The following DOCK5 variants were observed in gnomAD, a reference collection of about 807,000 sequenced individuals.
The protein encoded by DOCK5 is dedicator of cytokinesis protein 5.
In DOCK5, 142 loss-of-function variants were observed where a neutral mutation model predicts 251.8. The observed-to-expected ratio is 0.56, with a 90% CI of 0.49 to 0.65. DOCK5 has a LOEUF of 0.65. Ranked by LOEUF, DOCK5 falls within the 30% of genes least tolerant of loss-of-function variation. The pLI, the probability that DOCK5 is intolerant of heterozygous loss-of-function variation, is 0.00. For missense variants in DOCK5, 2,111 were observed against 2,312.3 expected (o/e 0.91, Z 1.79); for synonymous variants, 842 against 835.5 (o/e 1.01, Z -0.13).
At chr8:25,283,467 C>T (rs565487007) in intron 5 of DOCK5, among the ~76,000 whole-genome samples, 6 of 152,092 alleles carry the variant, frequency 3.9e-5, no homozygotes, top group Non-Finnish European at 8.8e-5. Context: ...GTGTTGACCG[C>T]GTAGAACTCT....
intron 28 of DOCK5, among the ~76,000 whole-genome samples, chr8:25,359,713 A>T (rs2117264994): frequency 6.6e-6 from 1 of 152,364 alleles, no homozygotes; most frequent in South Asian, 2.1e-4. Context: ...GAACAGTTTC[A>T]TCCCAAAACC....
intron 27 of DOCK5, 43 bp downstream of exon 27, chr8:25,351,869 C>T (rs754432374): frequency 4.6e-5 from 72 of 1,573,092 alleles, no homozygotes; most frequent in Non-Finnish European, 5.7e-5. Context: ...TGCTGTTTCT[C>T]TGTCCCCTTT....
At chr8:25,299,164 C>G (rs1804694108) in intron 8 of DOCK5, 63 bp downstream of exon 8, 18 of 1,551,394 alleles carry the variant, frequency 1.2e-5, no homozygotes, top group Admixed American at 2.0e-5. Context: ...CCCCTGACCC[C>G]TACCCGGGCA....
intron 2 of DOCK5, among the ~76,000 whole-genome samples, chr8:25,255,894 A>C (rs1009862352): frequency 6.6e-6 from 1 of 152,258 alleles, no homozygotes; most frequent in Non-Finnish European, 1.5e-5. Flanking sequence ...TGTCATAAAT[A>C]TTAACTCTGT....
chr8:25,187,693 T>G (rs1801469384), intron 1 of DOCK5, among the ~76,000 whole-genome samples: 4 of 152,084 alleles, frequency 2.6e-5, no homozygotes, highest in Admixed American at 2.6e-4. Flanking sequence ...GTTCAGCCTA[T>G]CTTCAGCATT....
chr8:25,320,051 A>G (rs890990835), intron 15 of DOCK5, among the ~76,000 whole-genome samples: 5 of 152,176 alleles, frequency 3.3e-5, no homozygotes, highest in African/African-American at 1.2e-4. Context: ...TACACATTCC[A>G]AAGTGCTTTT....
intron 1 of DOCK5, 101 bp from the exon 2 acceptor site, chr8:25,243,573 C>T: frequency 9.3e-7 from 1 of 1,077,484 alleles, no homozygotes; most frequent in Non-Finnish European, 1.3e-6. Context: ...TCATGATCCA[C>T]CCACCTCACC....
At chr8:25,297,728 T>C (rs760304323) in intron 7 of DOCK5, among the ~76,000 whole-genome samples, 1 of 152,126 alleles carries the variant, frequency 6.6e-6, no homozygotes, top group Non-Finnish European at 1.5e-5. Flanking sequence ...TTTGAAAGAC[T>C]TCAAAGGTAA....
chr8:25,344,772 CTT>C (rs2117237952), intron 25 of DOCK5, among the ~76,000 whole-genome samples: 1 of 152,262 alleles, frequency 6.6e-6, no homozygotes, highest in African/African-American at 2.4e-5. Flanking sequence ...GCTTTGATCA[CTT>C]TTTAAGGATA....
At chr8:25,294,313 C>T (rs1440211397) in intron 6 of DOCK5, among the ~76,000 whole-genome samples, 1 of 152,164 alleles carries the variant, frequency 6.6e-6, no homozygotes, top group African/African-American at 2.4e-5. Context: ...AGGAACCTGC[C>T]AGATCAAATC....
rs1255491233 is a variant in DOCK5, at chr8:25,345,489, C to T, written c.2632C>T (p.Leu878=). ...TTCCTTCTCAGAGTGCAGAGAAGTG[C>T]TGCTGCCACTGCTGACAGACCAGCT... ...LFRQSECREV[L]LPLLTDQLSG... is the part of the protein sequence containing the mutation. The change falls in exon 26 of 52, where the codon CTG becomes TTG. Residue 878 remains leucine (L), a synonymous_variant. Transcript: ENST00000276440. The T allele has an allele frequency of 1.9e-6, 3 of 1,613,604 alleles. No individual in the cohort carries two copies. The highest frequency in any genetic ancestry group is 2.7e-5 in the African/African-American group (2 of 74,912).
chr8:25,304,241 T>G lies in DOCK5; in HGVS notation c.977-14T>G. The G allele has an allele frequency of 1.3e-6, 2 of 1,586,324 alleles. No homozygotes were observed. Among genetic ancestry groups the G allele is most frequent in the Non-Finnish European group, 1.7e-6 (2 of 1,167,992 alleles). ...AGCAATTAGTTTCTTTAATGAAGTT[T>G]ATCTTTTTCCTAGTGATGGATATTA... On this transcript the variant is annotated splice_polypyrimidine_tract_variant and intron_variant, in intron 10 of 51. Transcript: ENST00000276440.
At chr8:25,310,658 G>C (rs1360146564) in intron 13 of DOCK5, 126 bp downstream of exon 13, 1 of 1,131,380 alleles carries the variant, frequency 8.8e-7, no homozygotes, top group East Asian at 2.7e-5. Flanking sequence ...GAGACACCTG[G>C]GACACAAACA....
At chr8:25,277,300 T>A (rs530461101) in intron 4 of DOCK5, 1 of 153,130 alleles carries the variant, frequency 6.5e-6, no homozygotes, top group Non-Finnish European at 1.5e-5. Context: ...GACAGTTATC[T>A]CCCAGGTGTA....
chr8:25,248,728 T>C (rs971252186), intron 2 of DOCK5, among the ~76,000 whole-genome samples: 1 of 152,186 alleles, frequency 6.6e-6, no homozygotes, highest in Admixed American at 6.5e-5. Context: ...GCAAAGCCTG[T>C]TCCTCCTTCA....
Position 25,184,813 on chromosome 8 carries a change from G to T in DOCK5, c.-96G>T, listed in dbSNP as rs1464688256. 1.8e-6 allele frequency: 2 copies of T among 1,125,180 alleles called. No individual in the cohort carries two copies. The highest frequency in any genetic ancestry group is 1.1e-6 in the Non-Finnish European group (1 of 884,418). The allele number at this position is 1,125,180 out of a possible 1,614,324, so 69.7% of individuals were successfully genotyped here. A position where few individuals can be genotyped will look rare whatever the true frequency, so the allele number is the denominator to read the frequency against. The stretch of plus-strand genomic sequence containing the variant: ...CGAAGTTTGGCGGAACATGGCGGAA[G>T]CGTCTGGGGCACGCAGGAGCGCGGG... On this transcript the variant is annotated 5_prime_UTR_variant, in exon 1 of 52. Transcript: ENST00000276440.
intron 29 of DOCK5, 95 bp from the exon 30 acceptor site, chr8:25,364,531 G>A: frequency 1.2e-6 from 1 of 852,872 alleles, no homozygotes; most frequent in Non-Finnish European, 1.9e-6. Context: ...ATGATGCCAA[G>A]TTCAGGTTTG....
chr8:25,382,256 C>T (rs1040441354), intron 39 of DOCK5, among the ~76,000 whole-genome samples: 2 of 152,174 alleles, frequency 1.3e-5, no homozygotes, highest in African/African-American at 2.4e-5. Context: ...GGATTATAGG[C>T]GTGAGCCACT....
chr8:25,237,675 T>C (rs1322725061), intron 1 of DOCK5, among the ~76,000 whole-genome samples: 1 of 152,240 alleles, frequency 6.6e-6, no homozygotes, highest in Non-Finnish European at 1.5e-5. Flanking sequence ...TCTTTCCCAG[T>C]GCTGTTCATG....
Sources: gnomAD v4.1 joint callset for allele counts (sites outside exome capture counted in the v4.1 genomes callset) on GRCh38, gnomAD v4.1.1 for gene constraint, MANE v1.5 for transcripts, NCBI Gene and HGNC (gene_info 2026-07-23, HGNC 2026-07-21) for gene names.